The following CALR3 variants were observed in gnomAD, a reference collection of about 807,000 sequenced individuals.
CALR3 encodes calreticulin-3.
In CALR3, 39 loss-of-function variants were observed where a neutral mutation model predicts 48.7. That is an observed-to-expected ratio of 0.80 (90% CI 0.62 to 1.05). CALR3 has a LOEUF of 1.05. Ranked by LOEUF, CALR3 falls within the 50% of genes least tolerant of loss-of-function variation. The pLI is 0.00. For missense variants in CALR3, 449 were observed against 474.7 expected (o/e 0.95, Z 0.50); for synonymous variants, 185 against 172.7 (o/e 1.07, Z -0.56).
At chr19:16,493,022 ACT>A (rs922233525) in intron 2 of CALR3, among the ~76,000 whole-genome samples, 5 of 151,778 alleles carry the variant, frequency 3.3e-5, no homozygotes, top group East Asian at 1.9e-4. Context: ...CAAGGGTGAA[ACT>A]CTCTCTCAAA....
At chr19:16,489,760 G>C (rs1419038871) in intron 3 of CALR3, among the ~76,000 whole-genome samples, 2 of 152,034 alleles carry the variant, frequency 1.3e-5, no homozygotes, top group African/African-American at 4.8e-5. Context: ...AGTGAGGCGA[G>C]ATCAAGCCAT....
At chr19:16,493,642 C>G (rs888227496) in intron 2 of CALR3, among the ~76,000 whole-genome samples, 5 of 146,994 alleles carry the variant, frequency 3.4e-5, no homozygotes, top group African/African-American at 5.0e-5. Context: ...CTCCGCCTCT[C>G]GGGTTCATGT....
intron 4 of CALR3, among the ~76,000 whole-genome samples, chr19:16,484,912 G>A (rs1429705733): frequency 1.3e-5 from 2 of 152,090 alleles, no homozygotes. Flanking sequence ...ACCCTCATAG[G>A]GCAAATGATG....
intron 4 of CALR3, 97 bp downstream of exon 4, chr19:16,485,066 C>A: frequency 2.4e-6 from 2 of 843,296 alleles, no homozygotes; most frequent in East Asian, 2.7e-5. Context: ...AAAGACCCAT[C>A]CCTGGCTCAG....
chr19:16,479,240 T>G lies in CALR3; in HGVS notation c.1046A>C (p.Lys349Thr). 6.2e-7 allele frequency: 1 copy of G among 1,614,082 alleles called. No individual in the cohort carries two copies. The highest frequency in any genetic ancestry group is 8.5e-7 in the Non-Finnish European group (1 of 1,180,016). Residue 349 changes from lysine to threonine, a missense_variant, in exon 9 of 9, where the codon AAG (lysine) becomes ACG (threonine). By Grantham distance (78) the Lys-to-Thr change is moderately conservative. Coordinates refer to ENST00000269881, the MANE Select transcript of CALR3 (RefSeq NM_145046.5). ...PEREMDAIQA[K>T]EEMKKAREEE... ...CTCGCGGGCCTTCTTCATTTCCTCCTTGGCCTGTATGGCATCCATCTCCCT... is the reference window on the plus strand; with the variant it reads ...CTCGCGGGCCTTCTTCATTTCCTCCGTGGCCTGTATGGCATCCATCTCCCT...
intron 2 of CALR3, among the ~76,000 whole-genome samples, chr19:16,494,774 G>A (rs1339983356): frequency 6.6e-6 from 1 of 152,084 alleles, no homozygotes; most frequent in Non-Finnish European, 1.5e-5. Context: ...CTATTAAGAG[G>A]GGCAATTTTG....
intron 7 of CALR3, 82 bp from the exon 8 acceptor site, chr19:16,480,788 A>G: frequency 9.4e-7 from 1 of 1,068,464 alleles, no homozygotes. Context: ...TTCCTTTGGA[A>G]ATACATGAAG....
intron 3 of CALR3, among the ~76,000 whole-genome samples, chr19:16,489,853 AAAAC>A (rs1408836742): frequency 2.2e-5 from 3 of 138,660 alleles, no homozygotes; most frequent in Admixed American, 7.2e-5. Context: ...AACAAAAACA[AAAAC>A]AAACAAACAA....
At chr19:16,479,498 G>T (rs970095075) in intron 8 of CALR3, among the ~76,000 whole-genome samples, 2 of 150,944 alleles carry the variant, frequency 1.3e-5, no homozygotes, top group African/African-American at 4.9e-5. Context: ...TGAGGCAGGA[G>T]AATGGCCTAA....
rs369518093 is a variant in CALR3 at position 16,480,702 on chromosome 19, C to A, written c.923G>T (p.Arg308Ile). 1.4e-4 allele frequency: 229 copies of A among 1,607,256 alleles called. 1 individual carries two copies. The highest frequency in any genetic ancestry group is 1.8e-4 in the Non-Finnish European group (217 of 1,173,964). ...GAIGLELWQVRSGTIFDNFLI... is the reference protein window; with the variant it reads ...GAIGLELWQVISGTIFDNFLI... ...AAAGTTATCAAAAATGGTTCCAGAT[C>A]TCACCTGCAGATGAAAATAAGGCCT... is the stretch of plus-strand genomic sequence containing the variant. Residue 308 changes from arginine to isoleucine, a missense_variant, in exon 8 of 9, where the codon AGA becomes ATA. Transcript: ENST00000269881.
chr19:16,490,303 T>A (rs2093395745), intron 3 of CALR3, 64 bp downstream of exon 3: 1 of 1,417,474 alleles, frequency 7.1e-7, no homozygotes, highest in South Asian at 1.2e-5. Flanking sequence ...AGTCTAAAGA[T>A]CCTGTGAAGT....
At chr19:16,482,371 C>T in intron 7 of CALR3, 79 bp downstream of exon 7, 1 of 1,538,000 alleles carries the variant, frequency 6.5e-7, no homozygotes. Flanking sequence ...AGAATGAGAC[C>T]CTGTCTCAAC....
chr19:16,485,207 A>C lies in CALR3; in HGVS notation c.448T>G (p.Phe150Val), dbSNP rs2093387382. 1 of 1,610,742 alleles carries C rather than the reference A, an allele frequency of 6.2e-7. No individual in the cohort carries two copies. Among genetic ancestry groups the C allele is most frequent in the African/African-American group, 1.3e-5 (1 of 74,878 alleles). The part of the protein sequence containing the change: ...DIKKVHVILH[F>V]KNKYHENKKL... ...TTGTTTTCGTGATACTTATTCTTGA[A>C]ATGTAAAATAACATGAACTTTCTTG... Residue 150 changes from phenylalanine (F) to valine (V), a missense_variant, in exon 4 of 9, where the codon TTC becomes GTC. Transcript: ENST00000269881.
At chr19:16,488,011 C>T (rs1233015056) in intron 3 of CALR3, among the ~76,000 whole-genome samples, 1 of 152,056 alleles carries the variant, frequency 6.6e-6, no homozygotes, top group Non-Finnish European at 1.5e-5. Flanking sequence ...GACGGGGTTT[C>T]ACTGTGTTAG....
intron 2 of CALR3, 40 bp downstream of exon 2, chr19:16,495,711 T>A: frequency 6.7e-7 from 1 of 1,490,848 alleles, no homozygotes; most frequent in Non-Finnish European, 9.4e-7. Context: ...GCTATGGAAA[T>A]GTAACATTAG....
At chr19:16,487,870 G>C (rs1436897985) in intron 3 of CALR3, among the ~76,000 whole-genome samples, 1 of 150,052 alleles carries the variant, frequency 6.7e-6, no homozygotes, top group Non-Finnish European at 1.5e-5. Flanking sequence ...CTGGAGTGCA[G>C]TGGCGTGATC....
intron 3 of CALR3, among the ~76,000 whole-genome samples, chr19:16,486,585 ACTCCAGC>A (rs1484735235): frequency 1.1e-4 from 16 of 146,184 alleles, no homozygotes; most frequent in Non-Finnish European, 1.9e-4. Context: ...GCACCATTGC[ACTCCAGC>A]CTGGGTGACA....
intron 3 of CALR3, among the ~76,000 whole-genome samples, chr19:16,485,606 C>T (rs1230296180): frequency 2.0e-5 from 3 of 151,988 alleles, no homozygotes; most frequent in African/African-American, 7.2e-5. Flanking sequence ...GCTTGAAACA[C>T]CACGTGCAGT....
chr19:16,492,779 G>A (rs1032897278), intron 2 of CALR3, among the ~76,000 whole-genome samples: 6 of 151,386 alleles, frequency 4.0e-5, no homozygotes, highest in East Asian at 1.9e-4. Context: ...GAAGAATGGC[G>A]TGAACCCAGG....
Sources: allele counts gnomAD v4.1 joint callset (sites outside exome capture counted in the v4.1 genomes callset), GRCh38; gene constraint gnomAD v4.1.1; transcripts MANE v1.5; gene names NCBI Gene and HGNC (gene_info 2026-07-23, HGNC 2026-07-21).